The following PTPRK variants were observed in gnomAD, a reference collection of about 807,000 sequenced individuals.
The protein encoded by PTPRK is protein tyrosine phosphatase receptor type K.
A neutral mutation model predicts 178.0 loss-of-function variants in PTPRK; 75 were observed. The ratio of observed to expected loss-of-function variants is 0.42; its 90% CI spans 0.35 to 0.51. The LOEUF is 0.51. Among genes scored for constraint, PTPRK ranks in the 20% least tolerant of loss-of-function variants. PTPRK has a pLI of 0.02. For synonymous variants in PTPRK, 637 were observed against 620.6 expected, an observed-to-expected ratio of 1.03 and a Z score of -0.39; for missense variants, 1,441 against 1,797.8, an observed-to-expected ratio of 0.80 and a Z score of 3.59.
intron 13 of PTPRK, among the ~76,000 whole-genome samples, chr6:128,029,673 A>ATAATAATAT (rs1774960949): frequency 6.8e-6 from 1 of 147,824 alleles, no homozygotes; most frequent in Non-Finnish European, 1.5e-5. Flanking sequence ...AATAATAATA[A>ATAATAATAT]TAATAATAAT....
At chr6:128,157,112 A>G (rs1050465998) in intron 7 of PTPRK, among the ~76,000 whole-genome samples, 21 of 152,210 alleles carry the variant, frequency 1.4e-4, no homozygotes, top group African/African-American at 4.6e-4. Flanking sequence ...GGCAGTTTAT[A>G]GTATTTAATA....
At chr6:128,172,612 GATAT>G (rs775327554) in intron 7 of PTPRK, among the ~76,000 whole-genome samples, 1 of 149,628 alleles carries the variant, frequency 6.7e-6, no homozygotes, top group Non-Finnish European at 1.5e-5. Context: ...CTGATATGTA[GATAT>G]ATATATATAG....
chr6:128,280,812 T>C (rs576285283), intron 3 of PTPRK, among the ~76,000 whole-genome samples: 103 of 152,302 alleles, frequency 6.8e-4, no homozygotes, highest in African/African-American at 2.3e-3. Flanking sequence ...GTGAAACATA[T>C]ATTTAGAAAA....
At chr6:128,447,646 A>G (rs1847203238) in intron 1 of PTPRK, among the ~76,000 whole-genome samples, 1 of 145,954 alleles carries the variant, frequency 6.9e-6, no homozygotes, top group African/African-American at 2.6e-5. Context: ...TTTTTTTTAG[A>G]TGGAGTCTCA....
intron 7 of PTPRK, among the ~76,000 whole-genome samples, chr6:128,175,390 A>C (rs897656832): frequency 2.6e-5 from 4 of 151,846 alleles, no homozygotes; most frequent in Non-Finnish European, 5.9e-5. Flanking sequence ...ATGTGGAAAA[A>C]AGGTACATTC....
rs781707391 is a variant in PTPRK at position 128,082,604 on chromosome 6, G to A, written c.1610C>T (p.Ala537Val). The A allele has an allele frequency of 1.5e-5, 24 of 1,611,102 alleles. No individual in the cohort carries two copies. Among genetic ancestry groups the A allele is most frequent in the Non-Finnish European group, 2.0e-5 (23 of 1,177,736 alleles). ...CTGGGGAGGTCCAGCCACTGGAACT[G>A]CAGGATCAAATGATCTTATACTGCT... ...SYSSIRSFDP[A>V]VPVAGPPQTV... Residue 537 changes from alanine (A) to valine (V), a missense_variant, in exon 10 of 30, where the codon GCA (alanine) becomes GTA (valine). Ala to Val is a moderately conservative substitution (Grantham distance 64). This residue lies in a region of PTPRK where 945 missense variants were observed against 1,080.6 expected (regional missense o/e 0.87). Coordinates refer to ENST00000368226, the MANE Select transcript of PTPRK (RefSeq NM_002844.4).
At chr6:128,011,589 A>G (rs917850607) in intron 13 of PTPRK, among the ~76,000 whole-genome samples, 2 of 151,122 alleles carry the variant, frequency 1.3e-5, no homozygotes, top group East Asian at 1.9e-4. Context: ...TGTAGGTGCA[A>G]ATATAAACTA....
At chr6:128,370,967 A>C (rs1421356974) in intron 2 of PTPRK, among the ~76,000 whole-genome samples, 2 of 152,112 alleles carry the variant, frequency 1.3e-5, no homozygotes, top group African/African-American at 4.8e-5. Context: ...CTATTGTTTC[A>C]CTATACTTGA....
At position 128,296,854 on chromosome 6, in the gene PTPRK, G is replaced by T. The variant is rs1824510899; in HGVS notation, c.495+25185C>A. On this transcript the variant is annotated intron_variant, in intron 3 of 29. Transcript: ENST00000368226. ...TAACCAGCTAATATCATAATGACAGGATCAAATTCACACATAACAATATTA... is the reference window on the plus strand; with the variant it reads ...TAACCAGCTAATATCATAATGACAGTATCAAATTCACACATAACAATATTA... 2.0e-5 allele frequency among the ~76,000 whole-genome samples: 3 copies of T among 152,118 alleles called. No individual in the cohort carries two copies. The South Asian group carries it at 6.2e-4, about 32-fold the overall frequency.
intron 1 of PTPRK, among the ~76,000 whole-genome samples, chr6:128,464,801 T>C (rs1849641358): frequency 6.7e-6 from 1 of 149,660 alleles, no homozygotes; most frequent in South Asian, 2.1e-4. Context: ...TTATTTTTTT[T>C]TAATTTAGAA....
At chr6:128,135,830 T>C (rs1006334722) in intron 7 of PTPRK, among the ~76,000 whole-genome samples, 13 of 145,910 alleles carry the variant, frequency 8.9e-5, no homozygotes, top group African/African-American at 3.3e-4. Flanking sequence ...ACTCAAAAAA[T>C]AAAAAAAAAT....
chr6:128,477,969 T>C (rs1235270485), intron 1 of PTPRK, among the ~76,000 whole-genome samples: 2 of 152,040 alleles, frequency 1.3e-5, no homozygotes, highest in African/African-American at 4.8e-5. Context: ...AGGCCTAGGA[T>C]AGGAACTGCA....
At chr6:128,191,994 A>T (rs1803883152) in intron 6 of PTPRK, among the ~76,000 whole-genome samples, 1 of 152,202 alleles carries the variant, frequency 6.6e-6, no homozygotes, top group Non-Finnish European at 1.5e-5. Flanking sequence ...TGACTACACG[A>T]ATTGCTCACA....
intron 2 of PTPRK, among the ~76,000 whole-genome samples, chr6:128,348,432 C>A (rs1353972950): frequency 2.0e-5 from 3 of 151,978 alleles, no homozygotes; most frequent in East Asian, 3.9e-4. Flanking sequence ...AAAATAATTT[C>A]TTTTCATTAT....
intron 11 of PTPRK, among the ~76,000 whole-genome samples, chr6:128,069,383 T>G (rs951870052): frequency 6.6e-6 from 1 of 152,164 alleles, no homozygotes; most frequent in African/African-American, 2.4e-5. Context: ...CTTCTAAGAA[T>G]GCTACTGACA....
intron 6 of PTPRK, among the ~76,000 whole-genome samples, chr6:128,186,836 T>C (rs960790437): frequency 9.2e-5 from 14 of 152,050 alleles, no homozygotes; most frequent in Admixed American, 7.2e-4. Flanking sequence ...GTGAACATAA[T>C]AGAAAAAATG....
chr6:128,241,814 T>A (rs2128284119), intron 4 of PTPRK, among the ~76,000 whole-genome samples: 1 of 150,020 alleles, frequency 6.7e-6, no homozygotes, highest in African/African-American at 2.5e-5. Flanking sequence ...GGAGTCTTGC[T>A]GTGGTTGCCC....
chr6:128,128,312 A>G (rs1279263092), intron 7 of PTPRK, among the ~76,000 whole-genome samples: 14 of 152,142 alleles, frequency 9.2e-5, no homozygotes, highest in Admixed American at 9.2e-4. Context: ...TCATCTTTCC[A>G]TCTTCTTTAG....
intron 1 of PTPRK, among the ~76,000 whole-genome samples, chr6:128,404,419 C>A (rs1207343255): frequency 1.3e-5 from 2 of 152,222 alleles, no homozygotes; most frequent in African/African-American, 4.8e-5. Context: ...TACTATGCTT[C>A]ACTAGTTCAG....
Sources: allele counts gnomAD v4.1 joint callset (sites outside exome capture counted in the v4.1 genomes callset), GRCh38; gene constraint gnomAD v4.1.1; regional missense constraint gnomAD v4.1.1; transcripts MANE v1.5; gene names NCBI Gene and HGNC (gene_info 2026-07-23, HGNC 2026-07-21).